Variants in DCDC1 observed in about 807,000 individuals in gnomAD.
DCDC1 encodes the protein doublecortin domain containing 1.
A neutral mutation model predicts 178.3 loss-of-function variants in DCDC1; 200 were observed. The observed-to-expected ratio is 1.12, with a 90% CI of 1.00 to 1.26. DCDC1 has a LOEUF of 1.26. Ranked by LOEUF, DCDC1 falls within the 50% of genes most tolerant of loss-of-function variation. The pLI is 0.00. For synonymous variants in DCDC1, 690 were observed against 604.8 expected, an observed-to-expected ratio of 1.14 and a Z score of -2.07; for missense variants, 1,983 against 1,749.2, an observed-to-expected ratio of 1.13 and a Z score of -2.38.
intron 8 of DCDC1, among the ~76,000 whole-genome samples, chr11:31,256,751 T>G (rs1240160297): frequency 2.0e-5 from 3 of 152,156 alleles, no homozygotes; most frequent in Admixed American, 2.0e-4. Flanking sequence ...GACCTTAAAT[T>G]TTATAAAATT....
chr11:30,923,077 TAC>T (rs1366853847), intron 23 of DCDC1, among the ~76,000 whole-genome samples: 4 of 151,704 alleles, frequency 2.6e-5, no homozygotes, highest in African/African-American at 9.7e-5. Flanking sequence ...AGGAGTAAAT[TAC>T]AGATTGGCAA....
chr11:31,143,993 A>T (rs1248335666), intron 9 of DCDC1, among the ~76,000 whole-genome samples: 1 of 152,214 alleles, frequency 6.6e-6, no homozygotes, highest in Non-Finnish European at 1.5e-5. Context: ...AAACCACCAT[A>T]ATATTTGATA....
chr11:31,119,854 G>A (rs988370375), intron 11 of DCDC1, among the ~76,000 whole-genome samples: 5 of 152,064 alleles, frequency 3.3e-5, no homozygotes, highest in African/African-American at 4.8e-5. Context: ...TTAAAATAAT[G>A]GAATTGTAGT....
chr11:30,926,091 T>C (rs1397661884), intron 22 of DCDC1, among the ~76,000 whole-genome samples: 5 of 152,120 alleles, frequency 3.3e-5, no homozygotes, highest in Middle Eastern at 3.4e-3. Flanking sequence ...AGGTGAGCAA[T>C]TGAAGTGTAA....
intron 8 of DCDC1, among the ~76,000 whole-genome samples, chr11:31,259,874 A>G (rs1274707336): frequency 3.3e-5 from 5 of 152,196 alleles, no homozygotes; most frequent in Admixed American, 6.5e-5. Flanking sequence ...GGTCTTTGGC[A>G]GCAGTCATGT....
chr11:30,978,130 T>TA lies in DCDC1; in HGVS notation c.2592-25563dup, dbSNP rs1396683428. Among the ~76,000 whole-genome samples, 17 of 152,296 alleles carry TA rather than the reference T, an allele frequency of 1.1e-4. No homozygotes were observed. In the South Asian group the frequency reaches 2.5e-3, roughly 22 times the overall value. On this transcript the variant is annotated intron_variant, in intron 20 of 38. Coordinates refer to ENST00000684477, the MANE Select transcript of DCDC1 (RefSeq NM_001387274.1). ...TACTTAACTCTGACTCGGGAAGTGA[T>TA]AAAAATAGAAAGAAGTTCTCTAAAA...
intron 6 of DCDC1, among the ~76,000 whole-genome samples, chr11:31,295,159 C>A (rs1326776491): frequency 6.6e-6 from 1 of 152,192 alleles, no homozygotes; most frequent in Non-Finnish European, 1.5e-5. Context: ...TTTAAATCAT[C>A]TCTAGATTAT....
rs554480170 is a variant in DCDC1 at position 30,925,078 on chromosome 11, A to C, written c.2997+231T>G. On this transcript the variant is annotated intron_variant, in intron 23 of 38. Transcript: ENST00000684477. The stretch of plus-strand genomic sequence containing the variant: ...TCAGAGTGAAACTCCATCTCAAAAA[A>C]AAAAAAAAAGTTTAATTTATATACC... Among the ~76,000 whole-genome samples the C allele has an allele frequency of 2.0e-5, 3 of 152,266 alleles. No individual in the cohort carries two copies. In the East Asian group the frequency reaches 5.8e-4, roughly 29 times the overall value.
chr11:31,170,031 G>A (rs1352612326), intron 9 of DCDC1, among the ~76,000 whole-genome samples: 1 of 152,146 alleles, frequency 6.6e-6, no homozygotes, highest in South Asian at 2.1e-4. Context: ...TTGTGAGGCT[G>A]CATGATGGGG....
chr11:31,133,337 C>A (rs1962690597), intron 10 of DCDC1, among the ~76,000 whole-genome samples: 1 of 152,136 alleles, frequency 6.6e-6, no homozygotes, highest in Non-Finnish European at 1.5e-5. Context: ...GTCATCTAGG[C>A]ATGTAACACA....
chr11:31,224,641 G>T (rs951104732), intron 9 of DCDC1, among the ~76,000 whole-genome samples: 1 of 151,936 alleles, frequency 6.6e-6, no homozygotes, highest in African/African-American at 2.4e-5. Context: ...AATCTACATG[G>T]AACTCAAACA....
chr11:31,009,131 T>G (rs1341610415), intron 20 of DCDC1, among the ~76,000 whole-genome samples: 3 of 152,164 alleles, frequency 2.0e-5, no homozygotes, highest in Admixed American at 2.0e-4. Flanking sequence ...TCAGGTGACA[T>G]TATTTTCTTC....
At chr11:30,969,560 C>A (rs538461169) in intron 20 of DCDC1, among the ~76,000 whole-genome samples, 1 of 152,084 alleles carries the variant, frequency 6.6e-6, no homozygotes, top group African/African-American at 2.4e-5. Flanking sequence ...AAGTTTGAGG[C>A]AGTTTGTTAC....
At chr11:30,998,589 A>G (rs1054413333) in intron 20 of DCDC1, among the ~76,000 whole-genome samples, 4 of 152,208 alleles carry the variant, frequency 2.6e-5, no homozygotes, top group Non-Finnish European at 4.4e-5. Context: ...ATAACAAATC[A>G]CCATTAGAAC....
intron 21 of DCDC1, chr11:30,943,097 T>TGTTGACAA (rs1947772449): frequency 6.6e-6 from 1 of 152,172 alleles, no homozygotes; most frequent in Non-Finnish European, 1.5e-5. Flanking sequence ...ATGTCTTTAT[T>TGTTGACAA]GGTTTTCTCT....
chr11:31,363,292 T>C (rs1951799684), intron 1 of DCDC1, among the ~76,000 whole-genome samples: 1 of 152,186 alleles, frequency 6.6e-6, no homozygotes, highest in Non-Finnish European at 1.5e-5. Flanking sequence ...TGAATTCTAC[T>C]CTTCCATATG....
At chr11:31,001,915 ACTC>A (rs1951602053) in intron 20 of DCDC1, among the ~76,000 whole-genome samples, 1 of 152,150 alleles carries the variant, frequency 6.6e-6, no homozygotes, top group Non-Finnish European at 1.5e-5. Context: ...TGCTGCAACT[ACTC>A]CTCTTGATTC....
chr11:31,323,675 T>C (rs1238757698), intron 3 of DCDC1, among the ~76,000 whole-genome samples: 5 of 152,074 alleles, frequency 3.3e-5, no homozygotes, highest in Non-Finnish European at 7.4e-5. Context: ...AGCTCTTGAA[T>C]TGAAATATAT....
chr11:31,147,016 G>C (rs1964522720), intron 9 of DCDC1, among the ~76,000 whole-genome samples: 1 of 152,072 alleles, frequency 6.6e-6, no homozygotes, highest in Admixed American at 6.6e-5. Flanking sequence ...TAAGGGGAGT[G>C]GGGCAGAAGT....
Sources: gnomAD v4.1 joint callset for allele counts (sites outside exome capture counted in the v4.1 genomes callset) on GRCh38, gnomAD v4.1.1 for gene constraint, MANE v1.5 for transcripts, NCBI Gene and HGNC (gene_info 2026-07-23, HGNC 2026-07-21) for gene names.